COL4A5: variants seen among roughly 807,000 people sequenced by gnomAD.
The protein encoded by COL4A5 is collagen type IV alpha 5 chain.
Under a neutral mutation model 130.2 loss-of-function variants are expected in COL4A5, and 26 were observed. The observed-to-expected ratio is 0.20, with a 90% CI of 0.15 to 0.28. The LOEUF is 0.28. Ranked by LOEUF, COL4A5 falls within the 10% of genes least tolerant of loss-of-function variation. The pLI, the probability that COL4A5 is intolerant of heterozygous loss-of-function variation, is 1.00. For missense variants in COL4A5, 1,131 were observed against 1,344.3 expected, an observed-to-expected ratio of 0.84 and a Z score of 2.48; for synonymous variants, 496 against 439.6, an observed-to-expected ratio of 1.13 and a Z score of -1.60.
At chrX:108,500,819 A>G (rs970626440) in intron 1 of COL4A5, among the ~76,000 whole-genome samples, 1 of 111,653 alleles carries the variant, frequency 9.0e-6, no homozygotes, top group Non-Finnish European at 1.9e-5. Flanking sequence ...GAAAATATCT[A>G]GAAGACTTTT....
intron 19 of COL4A5, among the ~76,000 whole-genome samples, chrX:108,590,227 G>A (rs962477796): frequency 1.8e-5 from 2 of 111,195 alleles, no homozygotes; most frequent in East Asian, 2.8e-4. Flanking sequence ...AACTTAAAGA[G>A]AATATGTGTG....
chrX:108,583,983 G>A (rs1218418602), intron 17 of COL4A5, among the ~76,000 whole-genome samples: 1 of 102,441 alleles, frequency 9.8e-6, no homozygotes, highest in Non-Finnish European at 2.0e-5. Flanking sequence ...TGATAGTTAA[G>A]TCCATCACAT....
At chrX:108,693,510 G>A (rs1168164779) in intron 50 of COL4A5, 1 of 114,847 alleles carries the variant, frequency 8.7e-6, no homozygotes, top group Non-Finnish European at 1.8e-5. Context: ...GTAGTTTAAA[G>A]TTTATTTGAT....
intron 1 of COL4A5, among the ~76,000 whole-genome samples, chrX:108,522,657 A>G (rs1398256174): frequency 9.2e-6 from 1 of 108,162 alleles, no homozygotes; most frequent in Non-Finnish European, 1.9e-5. Context: ...CTAGTACATT[A>G]TAAGAATTCT....
chrX:108,586,767 T>C lies in COL4A5; in HGVS notation c.1165+20T>C, dbSNP rs2066343869. ...CTCCAGGTAAATGAGATTGCATTTA[T>C]GGCCTTGTTCTTATAGCATCCTTAC... On this transcript the variant is annotated intron_variant, in intron 19 of 52. Coordinates refer to ENST00000328300, the MANE Select transcript of COL4A5 (RefSeq NM_033380.3). 1.7e-6 allele frequency: 2 copies of C among 1,201,531 alleles called. No individual in the cohort carries two copies. The highest frequency in any genetic ancestry group is 3.5e-5 in the African/African-American group (2 of 57,451).
At chrX:108,473,635 T>TATATATATATATATA (rs2064803930) in intron 1 of COL4A5, among the ~76,000 whole-genome samples, 1 of 17,056 alleles carries the variant, frequency 5.9e-5, no homozygotes, top group Non-Finnish European at 1.7e-4. Context: ...ATATATATAT[T>TATATATATATATATA]TTTTTTTTTT....
At chrX:108,533,243 G>A (rs1041527291) in intron 1 of COL4A5, among the ~76,000 whole-genome samples, 4 of 111,487 alleles carry the variant, frequency 3.6e-5, no homozygotes, top group Non-Finnish European at 7.6e-5. Context: ...ATAGCCAATT[G>A]ATCTTCAACA....
intron 48 of COL4A5, among the ~76,000 whole-genome samples, 173 bp from the exon 49 acceptor site, chrX:108,687,309 A>G (rs1292994468): frequency 1.8e-5 from 2 of 112,094 alleles, no homozygotes; most frequent in Non-Finnish European, 3.8e-5. Flanking sequence ...GACTCTCCAA[A>G]TAAGCATATT....
chrX:108,553,523 G>C (rs949003422), intron 2 of COL4A5, among the ~76,000 whole-genome samples: 1 of 111,667 alleles, frequency 9.0e-6, no homozygotes, highest in Non-Finnish European at 1.9e-5. Context: ...TTAGGGAAAT[G>C]CAAGAGAAAA....
chrX:108,670,106 A>T, intron 41 of COL4A5, 122 bp from the exon 42 acceptor site: 1 of 787,903 alleles, frequency 1.3e-6, no homozygotes, highest in Non-Finnish European at 1.9e-6. Flanking sequence ...ATTGAAATGA[A>T]TTTTAACTTG....
chrX:108,603,486 T>G (rs888264939), intron 28 of COL4A5, among the ~76,000 whole-genome samples: 3 of 111,164 alleles, frequency 2.7e-5, no homozygotes, highest in Non-Finnish European at 3.8e-5. Context: ...TAGCATTAGG[T>G]CTAAAAAAAA....
intron 1 of COL4A5, among the ~76,000 whole-genome samples, chrX:108,503,250 C>T (rs1216616219): frequency 9.0e-6 from 1 of 111,330 alleles, no homozygotes; most frequent in African/African-American, 3.3e-5. Context: ...TGATTAATGA[C>T]AATATTAGTT....
At chrX:108,487,748 A>G (rs1177330015) in intron 1 of COL4A5, among the ~76,000 whole-genome samples, 1 of 112,248 alleles carries the variant, frequency 8.9e-6, no homozygotes, top group Admixed American at 9.4e-5. Context: ...CTGACCAAAT[A>G]TTGTCTTTTG....
intron 1 of COL4A5, among the ~76,000 whole-genome samples, chrX:108,521,044 G>T (rs142371360): frequency 0.011 from 1,240 of 111,580 alleles, 9 homozygotes; most frequent in Non-Finnish European, 0.017. Flanking sequence ...GTAAGTTGCA[G>T]AAATCAGACA....
Position 108,445,262 on chromosome X carries a change from G to T in COL4A5, c.81+5056G>T, listed in dbSNP as rs908574821. Among the ~76,000 whole-genome samples the T allele has an allele frequency of 1.1e-4, 12 of 111,156 alleles. No homozygotes were observed. In the Admixed American group the frequency reaches 1.1e-3, roughly 11 times the overall value. On this transcript the variant is annotated intron_variant, in intron 1 of 52. Coordinates refer to ENST00000328300, the MANE Select transcript of COL4A5 (RefSeq NM_033380.3). The stretch of plus-strand genomic sequence containing the variant: ...ATATACTCCCTCCAGTCTAGCCTAG[G>T]TAAGCTTTCCTACAATCCCGTGAGC...
intron 1 of COL4A5, among the ~76,000 whole-genome samples, chrX:108,505,385 TAAA>T (rs764240177): frequency 9.4e-6 from 1 of 106,908 alleles, no homozygotes; most frequent in Non-Finnish European, 1.9e-5. Flanking sequence ...GCTATTGAAA[TAAA>T]AAAAAAACTC....
At chrX:108,486,192 A>G (rs2064943509) in intron 1 of COL4A5, among the ~76,000 whole-genome samples, 1 of 111,702 alleles carries the variant, frequency 9.0e-6, no homozygotes, top group South Asian at 3.8e-4. Flanking sequence ...TGGGTGGGGA[A>G]GGGGTGGTGT....
intron 10 of COL4A5, 88 bp downstream of exon 10, chrX:108,576,060 A>T (rs1027150856): frequency 2.4e-5 from 14 of 577,143 alleles, no homozygotes; most frequent in Non-Finnish European, 3.7e-5. Context: ...ACTTGAAAAC[A>T]TAATGCATTC....
intron 36 of COL4A5, among the ~76,000 whole-genome samples, chrX:108,638,953 C>T (rs1603302458): frequency 9.0e-6 from 1 of 111,349 alleles, no homozygotes; most frequent in African/African-American, 3.3e-5. Context: ...AGATTTAATA[C>T]TGTTAAAATG....
Sources: gnomAD v4.1 joint callset for allele counts (sites outside exome capture counted in the v4.1 genomes callset) on GRCh38, gnomAD v4.1.1 for gene constraint, MANE v1.5 for transcripts, NCBI Gene and HGNC (gene_info 2026-07-23, HGNC 2026-07-21) for gene names.